The following RADIL variants were observed in gnomAD, a reference collection of about 807,000 sequenced individuals.
RADIL encodes ras-associating and dilute domain-containing protein.
Under a neutral mutation model 97.6 loss-of-function variants are expected in RADIL, and 99 were observed. The observed-to-expected ratio is 1.01, with a 90% confidence interval of 0.86 to 1.20. The LOEUF (loss-of-function observed/expected upper bound fraction) is 1.20. Ranked by LOEUF, RADIL falls within the 50% of genes most tolerant of loss-of-function variation. RADIL has a pLI of 0.00. For missense variants in RADIL, 1,765 were observed against 1,498.9 expected (o/e 1.18, Z -2.93); for synonymous variants, 803 against 691.8 (o/e 1.16, Z -2.52).
Position 4,799,756 on chromosome 7 carries a change from C to T in RADIL, c.2996G>A (p.Gly999Asp), listed in dbSNP as rs377544919. The T allele has an allele frequency of 1.9e-4, 299 of 1,540,196 alleles. No homozygotes were observed. The highest frequency in any genetic ancestry group is 2.4e-4 in the Non-Finnish European group (275 of 1,148,436). ...GGTCTGGATGTAGAGCCCGGGGGCG[C>T]CCAGGTGCGTGTGCTGGGGACAAGC... ...GLIDGMHTHL[G>D]APGLYIQTLL... The change falls in exon 14 of 15, where the codon GGC (glycine) becomes GAC (aspartate). Residue 999 changes from glycine to aspartate, a missense_variant. Physicochemically the swap from Gly to Asp is moderately conservative, Grantham distance 94. Transcript: ENST00000399583.
intron 9 of RADIL, among the ~76,000 whole-genome samples, chr7:4,808,198 T>C (rs74563041): frequency 0.044 from 6,280 of 141,172 alleles, 249 homozygotes; most frequent in African/African-American, 0.1. Flanking sequence ...CTTCTTACTC[T>C]CCTCCCTACC....
At position 4,808,724 on chromosome 7, in the gene RADIL, G is replaced by T. The variant is rs1018175318; in HGVS notation, c.2140-3008C>A. ...CTGCCCCTCCGTTTCTCCTTCCAAC[G>T]CCACTGCCCCTCCGCGTCTCCTTCC... On this transcript the variant is annotated intron_variant, in intron 9 of 14. Coordinates refer to ENST00000399583, the MANE Select transcript of RADIL (RefSeq NM_018059.5). The T allele has an allele frequency of 1.3e-5, 12 of 944,820 alleles. No homozygotes were observed. In the African/African-American group the frequency reaches 2.6e-4, roughly 21 times the overall value. 58.5% of individuals were successfully genotyped at this position (944,820 alleles called of 1,614,324 possible).
At chr7:4,799,819 C>T (rs1286856955) in intron 13 of RADIL, 50 bp from the exon 14 acceptor site, 19 of 1,450,060 alleles carry the variant, frequency 1.3e-5, no homozygotes, top group South Asian at 5.7e-5. Context: ...CTGGCTGTCC[C>T]CAGCGAGGAC....
At position 4,801,647 on chromosome 7, in the gene RADIL, G is replaced by C; in HGVS notation, c.2842+6C>G. On this transcript the variant is annotated splice_donor_region_variant and intron_variant, in intron 12 of 14. Transcript: ENST00000399583. The stretch of plus-strand genomic sequence containing the variant: ...GGTTCCCGCCTGAGCACCAGGCAGG[G>C]CTCACCTTCCGGAGCTGCACCCCGG... 6.3e-7 allele frequency: 1 copy of C among 1,589,080 alleles called. No homozygotes were observed. Among genetic ancestry groups the C allele is most frequent in the Non-Finnish European group, 8.6e-7 (1 of 1,169,418 alleles).
intron 5 of RADIL, among the ~76,000 whole-genome samples, chr7:4,830,733 G>A (rs573370249): frequency 2.6e-4 from 39 of 151,892 alleles, no homozygotes; most frequent in Admixed American, 7.9e-4. Flanking sequence ...CAAAATTAGC[G>A]GCTGGGCGCG....
rs775037184 is a variant in RADIL, at chr7:4,805,672, T to C, written c.2184A>G (p.Pro728=). Residue 728 remains proline (P), a synonymous_variant, in exon 10 of 15, where the codon CCA becomes CCG. Coordinates refer to ENST00000399583, the MANE Select transcript of RADIL (RefSeq NM_018059.5). ...GAGTCAGCAGCCGGTGCAGCTGTGC[T>C]GGGCTCAGTGCGGGGAACGCAGCCC... is the stretch of plus-strand genomic sequence containing the variant. The part of the protein sequence containing the change: ...ALRAAFPALS[P]AQLHRLLTHY... 3 of 1,611,738 alleles carry C rather than the reference T, an allele frequency of 1.9e-6. No homozygotes were observed. Among genetic ancestry groups the C allele is most frequent in the Non-Finnish European group, 2.5e-6 (3 of 1,179,894 alleles).
chr7:4,871,679 C>CCA (rs1011061941), intron 2 of RADIL, among the ~76,000 whole-genome samples: 95 of 152,210 alleles, frequency 6.2e-4, no homozygotes, highest in African/African-American at 2.1e-3. Flanking sequence ...CACCACCCTC[C>CCA]CACACACACA....
Position 4,842,255 on chromosome 7 carries a change from C to T in RADIL, c.536-5650G>A, listed in dbSNP as rs1458726254. ...GTCGTTGTTGACATCTTCTTCTACTCTCACAGCAGAGGCCGTAAGGAAAGG... is the reference window on the plus strand; with the variant it reads ...GTCGTTGTTGACATCTTCTTCTACTTTCACAGCAGAGGCCGTAAGGAAAGG... On this transcript the variant is annotated intron_variant, in intron 2 of 14. Coordinates refer to ENST00000399583, the MANE Select transcript of RADIL (RefSeq NM_018059.5). This position sits in a 1 kb window ranked among gnomAD's most constrained non-coding sequence, Gnocchi z 4.5. 3.3e-5 allele frequency among the ~76,000 whole-genome samples: 5 copies of T among 152,136 alleles called. No individual in the cohort carries two copies. Among genetic ancestry groups the T allele is most frequent in the Non-Finnish European group, 2.9e-5 (2 of 68,026 alleles).
intron 2 of RADIL, among the ~76,000 whole-genome samples, chr7:4,875,008 C>A (rs969580058): frequency 1.3e-5 from 2 of 151,606 alleles, no homozygotes; most frequent in African/African-American, 4.9e-5. Context: ...CTGGCTAACA[C>A]GGTGAAACCC....
At chr7:4,800,373 A>AC in intron 12 of RADIL, 63 bp from the exon 13 acceptor site, 1 of 1,399,086 alleles carries the variant, frequency 7.1e-7, no homozygotes, top group Admixed American at 3.2e-5. Context: ...GAGGAATGGG[A>AC]TGTCCTGGCC....
chr7:4,859,588 C>A, intron 2 of RADIL: 1 of 321,722 alleles, frequency 3.1e-6, no homozygotes, highest in Non-Finnish European at 5.8e-6. Flanking sequence ...GTCCCGTACC[C>A]CTCATTCTCC....
intron 2 of RADIL, chr7:4,860,156 G>C (rs1783944836): frequency 1.2e-6 from 2 of 1,613,852 alleles, no homozygotes; most frequent in Admixed American, 3.3e-5. Flanking sequence ...TCTACCCTGA[G>C]AACTGCTAAT....
chr7:4,878,646 G>A lies in RADIL; in HGVS notation c.-64-443C>T, dbSNP rs1260552254. 6.6e-6 allele frequency among the ~76,000 whole-genome samples: 1 copy of A among 152,236 alleles called. No homozygotes were observed. Among genetic ancestry groups the A allele is most frequent in the African/African-American group, 2.4e-5 (1 of 41,462 alleles). On this transcript the variant is annotated intron_variant, in intron 1 of 14. Coordinates refer to ENST00000399583, the MANE Select transcript of RADIL (RefSeq NM_018059.5). The surrounding 1 kb of genome is among the most constrained non-coding windows in gnomAD (Gnocchi z 4.1). ...GGAGCCTGCAGGGCCACCAGAGACC[G>A]AGAGGACTAAACGGGCTGGAGCGCC...
chr7:4,860,147 C>G, intron 2 of RADIL: 1 of 1,614,040 alleles, frequency 6.2e-7, no homozygotes, highest in Non-Finnish European at 8.5e-7. Flanking sequence ...AGGACTGTTT[C>G]TACCCTGAGA....
At chr7:4,836,671 C>T (rs1783309578) in intron 2 of RADIL, 66 bp from the exon 3 acceptor site, 2 of 1,588,182 alleles carry the variant, frequency 1.3e-6, no homozygotes, top group African/African-American at 1.3e-5. Flanking sequence ...GGCGCGGTGG[C>T]TCACCCCTGT....
In RADIL at chr7:4,883,142, G is replaced by A. The variant is rs1239410168; in HGVS notation, c.-65+454C>T. 6.1e-5 allele frequency among the ~76,000 whole-genome samples: 9 copies of A among 147,394 alleles called. No individual in the cohort carries two copies. The highest frequency in any genetic ancestry group is 3.9e-4 in the East Asian group (2 of 5,194). On this transcript the variant is annotated intron_variant, in intron 1 of 14. Coordinates refer to ENST00000399583, the MANE Select transcript of RADIL (RefSeq NM_018059.5). This position sits in a 1 kb window ranked among gnomAD's most constrained non-coding sequence, Gnocchi z 7.1. ...TGCAGGGGACGTCTCGCCGGCCCAG[G>A]TGGGAGAGCGCGCGGAACCCTGCGC...
intron 2 of RADIL, among the ~76,000 whole-genome samples, chr7:4,847,303 G>A (rs1255055719): frequency 6.6e-6 from 1 of 152,050 alleles, no homozygotes; most frequent in Non-Finnish European, 1.5e-5. Context: ...CTGGGCAACA[G>A]AGCAAGACTC....
intron 1 of RADIL, among the ~76,000 whole-genome samples, chr7:4,882,732 A>T (rs553381837): frequency 6.6e-6 from 1 of 152,304 alleles, no homozygotes; most frequent in African/African-American, 2.4e-5. Context: ...ATTCAATCAG[A>T]TTTAATTCTG....
intron 5 of RADIL, among the ~76,000 whole-genome samples, chr7:4,825,210 G>A (rs1226912682): frequency 1.3e-5 from 2 of 152,196 alleles, no homozygotes; most frequent in African/African-American, 4.8e-5. Context: ...CAGAGGGGAA[G>A]GGCACTCAGC....
Sources: gnomAD v4.1 joint callset for allele counts (sites outside exome capture counted in the v4.1 genomes callset) on GRCh38, gnomAD v4.1.1 for gene constraint, Gnocchi (gnomAD v3.1) non-coding constraint, MANE v1.5 for transcripts, NCBI Gene and HGNC (gene_info 2026-07-23, HGNC 2026-07-21) for gene names.